The following ADAM19 variants were observed in gnomAD, a reference collection of about 807,000 sequenced individuals.
The protein encoded by ADAM19 is ADAM metallopeptidase domain 19.
In ADAM19, 65 loss-of-function variants were observed where a neutral mutation model predicts 114.7. That is an observed-to-expected ratio of 0.57 (90% CI 0.46 to 0.70). The LOEUF is 0.70. ADAM19 is among the 30% of genes least tolerant of loss of function. The pLI is 0.00. For missense variants in ADAM19, 1,063 were observed against 1,204.7 expected (o/e 0.88, Z 1.74); for synonymous variants, 466 against 460.5 (o/e 1.01, Z -0.15).
intron 4 of ADAM19, 134 bp downstream of exon 4, chr5:157,537,779 G>C: frequency 1.4e-6 from 1 of 704,764 alleles, no homozygotes; most frequent in Non-Finnish European, 2.4e-6. Flanking sequence ...CTTCTCGTTT[G>C]CTCCCTTGGT....
chr5:157,492,644 C>T (rs898400593), intron 16 of ADAM19, among the ~76,000 whole-genome samples: 2 of 152,112 alleles, frequency 1.3e-5, no homozygotes, highest in African/African-American at 2.4e-5. Flanking sequence ...TTATCAGAAT[C>T]GACTCTGGAG....
At chr5:157,521,212 G>A (rs1756277236) in intron 5 of ADAM19, among the ~76,000 whole-genome samples, 1 of 152,168 alleles carries the variant, frequency 6.6e-6, no homozygotes, top group South Asian at 2.1e-4. Context: ...GATCAGTGAA[G>A]GCCCAGGCAG....
In ADAM19 at chr5:157,488,385, G is replaced by A. The variant is rs945252783; in HGVS notation, c.2430C>T (p.His810=). 1 of 1,614,198 alleles carries A rather than the reference G, an allele frequency of 6.2e-7. No individual in the cohort carries two copies. Among genetic ancestry groups the A allele is most frequent in the Non-Finnish European group, 8.5e-7 (1 of 1,180,028 alleles). ...GGSPPAPLPA[H]LSRAARNSPG... is the part of the protein sequence containing the mutation. Reference sequence around the variant, plus strand: ...GGGAGTTCCTAGCAGCCCTGCTCAGGTGAGCTGGCAGTGGTGCAGGTGGGG... The same window carrying A: ...GGGAGTTCCTAGCAGCCCTGCTCAGATGAGCTGGCAGTGGTGCAGGTGGGG... The change falls in exon 21 of 23, where the codon CAC becomes CAT. Residue 810 remains histidine (H), a synonymous_variant. Transcript: ENST00000257527.
chr5:157,564,346 T>C, intron 3 of ADAM19, 27 bp downstream of exon 3: 9 of 1,609,722 alleles, frequency 5.6e-6, no homozygotes, highest in Non-Finnish European at 7.7e-6. Flanking sequence ...ATTTGTTTCA[T>C]TTTAGACAAA....
rs574228951 is a variant in ADAM19 at position 157,520,169 on chromosome 5, G to C, written c.408-138C>G. On this transcript the variant is annotated intron_variant, in intron 5 of 22. Transcript: ENST00000257527. The stretch of plus-strand genomic sequence containing the variant: ...GTTCTTAACCTAATTATGGGGCCAT[G>C]TACCCCTTCGTGAGACTCTGATGCA... 1.4e-4 allele frequency: 110 copies of C among 760,214 alleles called. No individual in the cohort carries two copies. In the African/African-American group the frequency reaches 1.8e-3, roughly 12 times the overall value. 47.1% of individuals were successfully genotyped at this position (760,214 alleles called of 1,614,324 possible). A position where few individuals can be genotyped will look rare whatever the true frequency, so the allele number is the denominator to read the frequency against.
At chr5:157,497,361 TAC>T (rs1755397865) in intron 13 of ADAM19, among the ~76,000 whole-genome samples, 1 of 152,230 alleles carries the variant, frequency 6.6e-6, no homozygotes, top group Admixed American at 6.5e-5. Context: ...TACAACAATT[TAC>T]AGTTTCCTAC....
At position 157,537,979 on chromosome 5, in the gene ADAM19, A is replaced by G. The variant is rs758761854; in HGVS notation, c.264T>C (p.Ala88=). ...LDLEKNEQLF[A]PSYTETHYTS... ...TATAATGGGTTTCTGTGTAGGAAGG[A>G]GCAAAAAGTTGCCTGCAAAAAATAA... The change falls in exon 4 of 23, where the codon GCT becomes GCC. Residue 88 remains alanine (A), a synonymous_variant. Coordinates refer to ENST00000257527, the MANE Select transcript of ADAM19 (RefSeq NM_033274.5). 2 of 1,614,052 alleles carry G rather than the reference A, an allele frequency of 1.2e-6. No homozygotes were observed. The highest frequency in any genetic ancestry group is 4.5e-5 in the East Asian group (2 of 44,870).
At chr5:157,503,040 G>C (rs1320522490) in intron 11 of ADAM19, 60 bp from the exon 12 acceptor site, 2 of 1,529,452 alleles carry the variant, frequency 1.3e-6, no homozygotes, top group Non-Finnish European at 1.8e-6. Flanking sequence ...TCAGGCAGGT[G>C]TCACTCGTGC....
chr5:157,479,963 CA>C lies in ADAM19; in HGVS notation c.*985del. The C allele has an allele frequency of 1.0e-6, 1 of 985,920 alleles. No individual in the cohort carries two copies. Among genetic ancestry groups the C allele is most frequent in the Non-Finnish European group, 1.2e-6 (1 of 829,980 alleles). The allele number at this position is 985,920 out of a possible 1,614,324, so 61.1% of individuals were successfully genotyped here. The stretch of plus-strand genomic sequence containing the variant: ...ACAATGAAAAATAAACATATGACCC[CA>C]ATGGCCATGCCCCAAGTCTACTCTG... On this transcript the variant is annotated 3_prime_UTR_variant, in exon 23 of 23. Coordinates refer to ENST00000257527, the MANE Select transcript of ADAM19 (RefSeq NM_033274.5).
At chr5:157,507,004 T>G in intron 10 of ADAM19, 52 bp downstream of exon 10, 1 of 1,495,154 alleles carries the variant, frequency 6.7e-7, no homozygotes, top group Non-Finnish European at 9.3e-7. Flanking sequence ...CCTCTGGTCT[T>G]GAAAGGCAGC....
At chr5:157,494,957 C>A (rs1418312388) in intron 14 of ADAM19, among the ~76,000 whole-genome samples, 162 bp from the exon 15 acceptor site, 1 of 152,154 alleles carries the variant, frequency 6.6e-6, no homozygotes, top group Non-Finnish European at 1.5e-5. Context: ...ATATTCTCAA[C>A]AAGATCTACT....
In ADAM19 at chr5:157,477,652, G is replaced by T. The variant is rs760291663; in HGVS notation, c.*3297C>A. The T allele has an allele frequency of 7.8e-7, 1 of 1,289,240 alleles. No homozygotes were observed. The highest frequency in any genetic ancestry group is 1.0e-6 in the Non-Finnish European group (1 of 988,514). The allele number at this position is 1,289,240 out of a possible 1,614,324, so 79.9% of individuals were successfully genotyped here. A position where few individuals can be genotyped will look rare whatever the true frequency, so the allele number is the denominator to read the frequency against. ...TTCCCATGGCTTTCTTGGGTGTCCA[G>T]CAGAGCTGTTATACACGTGGTTAAC... On this transcript the variant is annotated 3_prime_UTR_variant, in exon 23 of 23. Coordinates refer to ENST00000257527, the MANE Select transcript of ADAM19 (RefSeq NM_033274.5).
At chr5:157,518,786 A>G in intron 7 of ADAM19, 37 bp downstream of exon 7, 6 of 1,507,842 alleles carry the variant, frequency 4.0e-6, no homozygotes, top group Non-Finnish European at 5.5e-6. Flanking sequence ...CTATCAAGAG[A>G]GCAGTTTTTC....
At chr5:157,496,215 T>G (rs1755359776) in intron 14 of ADAM19, among the ~76,000 whole-genome samples, 1 of 152,214 alleles carries the variant, frequency 6.6e-6, no homozygotes, top group Admixed American at 6.6e-5. Flanking sequence ...GAAGATGATT[T>G]TATTCAGTAA....
intron 9 of ADAM19, 93 bp from the exon 10 acceptor site, chr5:157,507,233 G>A (rs1229468089): frequency 1.7e-5 from 22 of 1,286,730 alleles, no homozygotes; most frequent in East Asian, 2.4e-5. Context: ...GGGGTTCCCT[G>A]GACCCGCTGA....
intron 4 of ADAM19, among the ~76,000 whole-genome samples, chr5:157,533,288 T>G (rs1756673549): frequency 6.6e-6 from 1 of 152,218 alleles, no homozygotes; most frequent in African/African-American, 2.4e-5. Context: ...TGCATCAAAC[T>G]CTTCTGGACT....
chr5:157,506,017 G>T (rs181394073), intron 10 of ADAM19, among the ~76,000 whole-genome samples: 8 of 152,190 alleles, frequency 5.3e-5, no homozygotes, highest in Non-Finnish European at 1.0e-4. Flanking sequence ...TGTTTCCTGA[G>T]TTCTCAAAGG....
chr5:157,479,396 G>A lies in ADAM19; in HGVS notation c.*1553C>T, dbSNP rs879535478. The stretch of plus-strand genomic sequence containing the variant: ...AAGAGCAAACAATTGCTCATGGCAG[G>A]ATGGGAGGAGGCCCCAGGAAAGCCT... On this transcript the variant is annotated 3_prime_UTR_variant, in exon 23 of 23. Transcript: ENST00000257527. 2.1e-5 allele frequency: 21 copies of A among 985,956 alleles called. No homozygotes were observed. In the Admixed American group the frequency reaches 1.2e-3, roughly 58 times the overall value. The allele number at this position is 985,956 out of a possible 1,614,324, so 61.1% of individuals were successfully genotyped here. A position where few individuals can be genotyped will look rare whatever the true frequency, so the allele number is the denominator to read the frequency against.
intron 2 of ADAM19, among the ~76,000 whole-genome samples, chr5:157,565,622 T>C (rs112307138): frequency 0.037 from 5,675 of 151,748 alleles, 140 homozygotes; most frequent in South Asian, 0.088. Flanking sequence ...GGCAGGAGAA[T>C]TGCTTGAACC....
Sources: gnomAD v4.1 joint callset for allele counts (sites outside exome capture counted in the v4.1 genomes callset) on GRCh38, gnomAD v4.1.1 for gene constraint, MANE v1.5 for transcripts, NCBI Gene and HGNC (gene_info 2026-07-23, HGNC 2026-07-21) for gene names.